NAALADL2: variants seen among roughly 807,000 people sequenced by gnomAD.
NAALADL2 encodes N-acetylated alpha-linked acidic dipeptidase like 2.
NAALADL2 carries 76 observed loss-of-function variants against 87.2 expected under a neutral mutation model. That is an observed-to-expected ratio of 0.87 (90% confidence interval 0.72 to 1.05). The LOEUF (loss-of-function observed/expected upper bound fraction) is 1.05. Among genes scored for constraint, NAALADL2 ranks in the 50% least tolerant of loss-of-function variants. The probability of loss-of-function intolerance (pLI) is 0.00; values close to 1 mark genes in which losing one functional copy is unlikely to be tolerated. For synonymous variants in NAALADL2, 354 were observed against 331.0 expected, an observed-to-expected ratio of 1.07 and a Z score of -0.75; for missense variants, 1,089 against 945.8, an observed-to-expected ratio of 1.15 and a Z score of -1.99.
chr3:175,559,496 A>G (rs1014107496), intron 9 of NAALADL2, among the ~76,000 whole-genome samples: 1 of 152,062 alleles, frequency 6.6e-6, no homozygotes, highest in East Asian at 1.9e-4. Flanking sequence ...AATGCTGAAC[A>G]TAGGCATTCT....
chr3:175,431,832 T>C (rs1717808703), intron 5 of NAALADL2, among the ~76,000 whole-genome samples: 1 of 152,048 alleles, frequency 6.6e-6, no homozygotes, highest in South Asian at 2.1e-4. Context: ...TGAATCCGTG[T>C]GATTAATAGG....
chr3:174,921,896 T>C (rs919316884), intron 1 of NAALADL2, among the ~76,000 whole-genome samples: 4 of 152,038 alleles, frequency 2.6e-5, no homozygotes, highest in African/African-American at 9.7e-5. Flanking sequence ...GAAAATACTT[T>C]TACCCAGAAT....
intron 11 of NAALADL2, among the ~76,000 whole-genome samples, chr3:175,655,768 G>C (rs979089861): frequency 1.3e-5 from 2 of 152,020 alleles, no homozygotes; most frequent in Non-Finnish European, 2.9e-5. Context: ...AGATCAGGTT[G>C]TCATATTGCT....
At chr3:174,754,911 G>C (rs895559156) in intron 3 of NAALADL2, among the ~76,000 whole-genome samples, 1 of 152,140 alleles carries the variant, frequency 6.6e-6, no homozygotes, top group Non-Finnish European at 1.5e-5. Context: ...TGAGAAAACA[G>C]AGTTAGAAAA....
intron 11 of NAALADL2, among the ~76,000 whole-genome samples, chr3:175,677,895 A>G (rs953617242): frequency 2.0e-5 from 3 of 152,140 alleles, no homozygotes; most frequent in African/African-American, 7.2e-5. Context: ...TTACTCTGAC[A>G]ATTGCCTCAG....
intron 2 of NAALADL2, among the ~76,000 whole-genome samples, chr3:175,187,368 G>A (rs1414635943): frequency 9.2e-5 from 14 of 152,134 alleles, no homozygotes; most frequent in African/African-American, 2.7e-4. Context: ...ATTTCCTATC[G>A]TTGTCGATTC....
chr3:175,568,899 A>G (rs1717623318), intron 9 of NAALADL2, among the ~76,000 whole-genome samples: 2 of 152,192 alleles, frequency 1.3e-5, no homozygotes, highest in Admixed American at 1.3e-4. Context: ...TGATATTTCA[A>G]TGTTTTGGCA....
chr3:174,944,108 A>T (rs552540199), intron 1 of NAALADL2, among the ~76,000 whole-genome samples: 70 of 152,198 alleles, frequency 4.6e-4, no homozygotes, highest in African/African-American at 1.6e-3. Flanking sequence ...ATTTTCTAGT[A>T]CCTGGAGGTA....
At chr3:175,259,645 T>C (rs950741772) in intron 4 of NAALADL2, among the ~76,000 whole-genome samples, 5 of 152,242 alleles carry the variant, frequency 3.3e-5, no homozygotes, top group African/African-American at 9.7e-5. Flanking sequence ...ATTTCTACTT[T>C]TCCGTTATAT....
chr3:174,471,951 T>C (rs1716935668), intron 1 of NAALADL2, among the ~76,000 whole-genome samples: 1 of 152,152 alleles, frequency 6.6e-6, no homozygotes, highest in South Asian at 2.1e-4. Flanking sequence ...GTGCTTCCTT[T>C]TATATGATCT....
intron 1 of NAALADL2, among the ~76,000 whole-genome samples, chr3:174,903,159 C>T (rs960510398): frequency 2.6e-5 from 4 of 152,080 alleles, no homozygotes; most frequent in African/African-American, 9.6e-5. Context: ...GGAATTTAGA[C>T]CAGACTTATG....
chr3:175,126,641 C>T lies in NAALADL2; in HGVS notation c.545+29350C>T, dbSNP rs148072854. On this transcript the variant is annotated intron_variant, in intron 2 of 13. Coordinates refer to ENST00000454872, the MANE Select transcript of NAALADL2 (RefSeq NM_207015.3). ...TTATTGTCACCAAAACAAAACAAAA[C>T]GAAACAAAACTCAAAACTATTTTTC... is the stretch of plus-strand genomic sequence containing the variant. Among the ~76,000 whole-genome samples the T allele has an allele frequency of 1.4e-3, 206 of 152,034 alleles. 1 individual carries two copies. The highest frequency in any genetic ancestry group is 5.6e-3 in the South Asian group (27 of 4,820).
chr3:174,952,332 T>C (rs2108515414), intron 1 of NAALADL2, among the ~76,000 whole-genome samples: 1 of 152,296 alleles, frequency 6.6e-6, no homozygotes, highest in South Asian at 2.1e-4. Flanking sequence ...TTCGTGACTC[T>C]TTTAACATTA....
chr3:174,948,456 C>T (rs911081426), intron 1 of NAALADL2, among the ~76,000 whole-genome samples: 3 of 152,120 alleles, frequency 2.0e-5, no homozygotes, highest in Admixed American at 6.5e-5. Context: ...GGATTACAGG[C>T]GTGAGCCACC....
At chr3:175,318,300 A>G (rs56979976) in intron 4 of NAALADL2, among the ~76,000 whole-genome samples, 207 of 152,110 alleles carry the variant, frequency 1.4e-3, no homozygotes, top group Middle Eastern at 6.8e-3. Context: ...ATGTTCATAA[A>G]CCCTAGTAAA....
chr3:175,379,932 A>C (rs1262785301), intron 5 of NAALADL2, among the ~76,000 whole-genome samples: 5 of 152,142 alleles, frequency 3.3e-5, no homozygotes, highest in Admixed American at 3.3e-4. Context: ...CATCATTCTC[A>C]GCAAACTATC....
intron 5 of NAALADL2, among the ~76,000 whole-genome samples, chr3:175,396,628 A>T (rs548956227): frequency 3.9e-5 from 6 of 152,072 alleles, no homozygotes; most frequent in Admixed American, 3.3e-4. Flanking sequence ...ACTTACTGAC[A>T]TGGTTTGGCT....
intron 10 of NAALADL2, among the ~76,000 whole-genome samples, chr3:175,617,606 C>T (rs1725527720): frequency 1.3e-5 from 2 of 152,156 alleles, no homozygotes; most frequent in African/African-American, 4.8e-5. Flanking sequence ...TCTATTTTCC[C>T]TCTCTTGGGC....
chr3:175,352,217 C>T (rs1471619515), intron 5 of NAALADL2, among the ~76,000 whole-genome samples: 3 of 150,910 alleles, frequency 2.0e-5, no homozygotes, highest in Non-Finnish European at 4.4e-5. Flanking sequence ...CAAGCTGTGG[C>T]TTCCTCTTTG....
Sources: gnomAD v4.1 joint callset for allele counts (sites outside exome capture counted in the v4.1 genomes callset) on GRCh38, gnomAD v4.1.1 for gene constraint, MANE v1.5 for transcripts, NCBI Gene and HGNC (gene_info 2026-07-23, HGNC 2026-07-21) for gene names.